RBPMS2: variants seen among roughly 807,000 people sequenced by gnomAD.
The protein encoded by RBPMS2 is RNA binding protein, mRNA processing factor 2.
In RBPMS2, 14 loss-of-function variants were observed where a neutral mutation model predicts 25.7. The observed-to-expected ratio is 0.55, with a 90% CI of 0.36 to 0.85. RBPMS2 has a LOEUF of 0.85. RBPMS2 is among the 40% of genes least tolerant of loss of function. RBPMS2 has a pLI of 0.01. For missense variants in RBPMS2, 252 were observed against 283.4 expected, an observed-to-expected ratio of 0.89 and a Z score of 0.80; for synonymous variants, 127 against 115.6, an observed-to-expected ratio of 1.10 and a Z score of -0.63.
rs1052997803 is a variant in RBPMS2 at position 64,763,873 on chromosome 15, G to C, written c.87+11360C>G. Among the ~76,000 whole-genome samples, 10 of 152,126 alleles carry C rather than the reference G, an allele frequency of 6.6e-5. 1 individual carries two copies. Among genetic ancestry groups the C allele is most frequent in the African/African-American group, 2.4e-4 (10 of 41,492 alleles). ...GGGTGAAAAGTTATCTGAAAGGAGG[G>C]ACAGGGCTGGGCAGGTATAAGAAGG... On this transcript the variant is annotated intron_variant, in intron 1 of 7. Transcript: ENST00000300069.
intron 1 of RBPMS2, among the ~76,000 whole-genome samples, 195 bp from the exon 2 acceptor site, chr15:64,751,833 T>A (rs1482641690): frequency 6.6e-6 from 1 of 152,156 alleles, no homozygotes; most frequent in South Asian, 2.1e-4. Context: ...TTCCTTTCTC[T>A]GGGTACATCC....
intron 2 of RBPMS2, 43 bp from the exon 3 acceptor site, chr15:64,750,424 A>T (rs1404361456): frequency 3.2e-6 from 5 of 1,571,138 alleles, no homozygotes; most frequent in Non-Finnish European, 3.5e-6. Flanking sequence ...TCAGAAGCGT[A>T]TGTTGTGCTA....
At chr15:64,751,767 T>C (rs2083683968) in intron 1 of RBPMS2, 129 bp from the exon 2 acceptor site, 2 of 677,040 alleles carry the variant, frequency 3.0e-6, no homozygotes, top group Non-Finnish European at 5.1e-6. Flanking sequence ...CTGGGCCTCC[T>C]TGGATACCCA....
At position 64,740,831 on chromosome 15, in the gene RBPMS2, G is replaced by T. The variant is rs549577608; in HGVS notation, c.*177C>A. 4 of 211,522 alleles carry T rather than the reference G, an allele frequency of 1.9e-5. No individual in the cohort carries two copies. The East Asian group carries it at 3.7e-4, about 20-fold the overall frequency. The allele number at this position is 211,522 out of a possible 1,614,324, so 13.1% of individuals were successfully genotyped here. ...GAAAGGCTTGAGGGTGCAGAACAAG[G>T]TGAGGAAGAGGAGGGAGGGGAACAG... On this transcript the variant is annotated 3_prime_UTR_variant, in exon 8 of 8. Transcript: ENST00000300069.
chr15:64,771,718 G>C (rs1391978278), intron 1 of RBPMS2, among the ~76,000 whole-genome samples: 1 of 151,852 alleles, frequency 6.6e-6, no homozygotes, highest in Non-Finnish European at 1.5e-5. Flanking sequence ...CCAGCACTTT[G>C]GGAGACTGAG....
At chr15:64,767,675 G>A (rs186743616) in intron 1 of RBPMS2, among the ~76,000 whole-genome samples, 1 of 152,134 alleles carries the variant, frequency 6.6e-6, no homozygotes, top group East Asian at 1.9e-4. Context: ...CCTTGAGTGG[G>A]ATTTTTTTTT....
At chr15:64,746,417 A>G (rs1222195707) in intron 6 of RBPMS2, among the ~76,000 whole-genome samples, 1 of 152,218 alleles carries the variant, frequency 6.6e-6, no homozygotes, top group Non-Finnish European at 1.5e-5. Flanking sequence ...CACTCCCTCC[A>G]TGCCATCACG....
At chr15:64,758,898 C>T (rs1204085634) in intron 1 of RBPMS2, among the ~76,000 whole-genome samples, 1 of 152,222 alleles carries the variant, frequency 6.6e-6, no homozygotes, top group African/African-American at 2.4e-5. Context: ...AGTGCTAGAC[C>T]TAGAGTGCCT....
chr15:64,744,755 ATTTAT>A (rs1380904561), intron 6 of RBPMS2, among the ~76,000 whole-genome samples: 3 of 103,466 alleles, frequency 2.9e-5, no homozygotes, highest in African/African-American at 1.1e-4. Context: ...ACTTACTATT[ATTTAT>A]TTTAAGTCCT....
At chr15:64,747,516 T>C (rs1200952438) in intron 6 of RBPMS2, among the ~76,000 whole-genome samples, 1 of 152,138 alleles carries the variant, frequency 6.6e-6, no homozygotes, top group African/African-American at 2.4e-5. Context: ...ATCACCTGGC[T>C]GGTCAAAGGT....
intron 1 of RBPMS2, among the ~76,000 whole-genome samples, chr15:64,759,433 A>C (rs2141069193): frequency 6.6e-6 from 1 of 152,244 alleles, no homozygotes; most frequent in East Asian, 1.9e-4. Context: ...AGCCCTCTCC[A>C]GCCTAGAGGT....
intron 3 of RBPMS2, among the ~76,000 whole-genome samples, chr15:64,749,891 A>G (rs1403749978): frequency 6.6e-6 from 1 of 152,198 alleles, no homozygotes; most frequent in Non-Finnish European, 1.5e-5. Flanking sequence ...CGGTTCTATC[A>G]AGGAGCAATA....
chr15:64,755,991 C>T (rs1466610764), intron 1 of RBPMS2, among the ~76,000 whole-genome samples: 1 of 152,132 alleles, frequency 6.6e-6, no homozygotes, highest in Non-Finnish European at 1.5e-5. Context: ...CCACAGTGGC[C>T]GTTAGGACCC....
intron 1 of RBPMS2, among the ~76,000 whole-genome samples, chr15:64,773,546 G>C (rs1195394978): frequency 6.6e-6 from 1 of 152,216 alleles, no homozygotes; most frequent in Non-Finnish European, 1.5e-5. Flanking sequence ...AAGGTACTTA[G>C]AAAGGAGTGG....
intron 1 of RBPMS2, among the ~76,000 whole-genome samples, chr15:64,765,141 GACA>G (rs2083832875): frequency 7.6e-6 from 1 of 132,096 alleles, no homozygotes; most frequent in Non-Finnish European, 1.5e-5. Context: ...GCAGAAGAAT[GACA>G]TGAACCCATG....
At chr15:64,752,302 G>A (rs953696117) in intron 1 of RBPMS2, among the ~76,000 whole-genome samples, 1 of 152,044 alleles carries the variant, frequency 6.6e-6, no homozygotes, top group African/African-American at 2.4e-5. Context: ...TGGCCTCCTG[G>A]TAGAGAGCCT....
chr15:64,771,623 A>G (rs2083893734), intron 1 of RBPMS2, among the ~76,000 whole-genome samples: 1 of 151,522 alleles, frequency 6.6e-6, no homozygotes, highest in South Asian at 2.1e-4. Context: ...GTGAGCCGAG[A>G]TTGCGCCACT....
At chr15:64,771,728 G>T (rs1028539035) in intron 1 of RBPMS2, among the ~76,000 whole-genome samples, 2 of 151,932 alleles carry the variant, frequency 1.3e-5, no homozygotes, top group Admixed American at 6.6e-5. Context: ...GGGAGACTGA[G>T]GTGGGCAGGT....
intron 1 of RBPMS2, among the ~76,000 whole-genome samples, chr15:64,752,128 C>T (rs948572076): frequency 1.3e-5 from 2 of 152,010 alleles, no homozygotes; most frequent in Admixed American, 1.3e-4. Flanking sequence ...CCACGCCATG[C>T]TAATCGGTAT....
Sources: gnomAD v4.1 joint callset for allele counts (sites outside exome capture counted in the v4.1 genomes callset) on GRCh38, gnomAD v4.1.1 for gene constraint, MANE v1.5 for transcripts, NCBI Gene and HGNC (gene_info 2026-07-23, HGNC 2026-07-21) for gene names.